Variants in EEF2KMT observed in about 807,000 individuals in gnomAD.
EEF2KMT encodes eukaryotic elongation factor 2 lysine methyltransferase, also known as protein-lysine N-methyltransferase EEF2KMT.
Under a neutral mutation model 35.1 loss-of-function variants are expected in EEF2KMT, and 30 were observed. That is an observed-to-expected ratio of 0.85 (90% CI 0.64 to 1.16). The LOEUF (loss-of-function observed/expected upper bound fraction) is 1.16, where lower values mean the gene tolerates loss of function less well. Among genes scored for constraint, EEF2KMT ranks in the 50% most tolerant of loss-of-function variants. EEF2KMT has a pLI of 0.00. For synonymous variants in EEF2KMT, 190 were observed against 187.7 expected (o/e 1.01, Z -0.10); for missense variants, 499 against 438.2 (o/e 1.14, Z -1.24).
chr16:5,088,363 G>A (rs1567176850), intron 7 of EEF2KMT, among the ~76,000 whole-genome samples: 1 of 152,312 alleles, frequency 6.6e-6, no homozygotes, highest in Admixed American at 6.5e-5. Context: ...TGGGTTGTCT[G>A]TGTCTCTGTG....
At chr16:5,087,272 C>G (rs146732584) in intron 7 of EEF2KMT, 1 of 152,160 alleles carries the variant, frequency 6.6e-6, no homozygotes, top group African/African-American at 2.4e-5. Context: ...TACAGATTTG[C>G]GTTGGGCCGC....
At chr16:5,089,943 C>T (rs908155325) in intron 6 of EEF2KMT, 141 bp downstream of exon 6, 143 of 1,436,436 alleles carry the variant, frequency 1.0e-4, no homozygotes, top group Non-Finnish European at 1.3e-4. Flanking sequence ...GTGATGTCAC[C>T]CTGGAGGCCC....
chr16:5,091,503 C>T (rs1456215294), intron 4 of EEF2KMT, among the ~76,000 whole-genome samples: 1 of 152,262 alleles, frequency 6.6e-6, no homozygotes, highest in Non-Finnish European at 1.5e-5. Flanking sequence ...GCGTGAGCCA[C>T]CACGCCCAGC....
intron 7 of EEF2KMT, among the ~76,000 whole-genome samples, chr16:5,086,032 C>T (rs1435516257): frequency 1.3e-5 from 2 of 152,238 alleles, no homozygotes; most frequent in Non-Finnish European, 2.9e-5. Flanking sequence ...AGTCAACCCA[C>T]TCTTCACAAA....
In EEF2KMT at chr16:5,089,162, G is replaced by A. The variant is rs74516579; in HGVS notation, c.837C>T (p.Tyr279=). The A allele has an allele frequency of 6.8e-4, 1,096 of 1,612,246 alleles. 3 individuals carry two copies. In the African/African-American group the frequency reaches 0.011, roughly 16 times the overall value. The change falls in exon 7 of 8, where the codon TAC becomes TAT. Residue 279 remains tyrosine (Y), a synonymous_variant. Transcript: ENST00000427587. ...CREHQRAPEV[Y]VAFTVRNPET... Reference sequence around the variant, plus strand: ...CTGGGTTGCGGACGGTAAAGGCCACGTAGACCTCAGGAGCCCGCTGGTGCT... The same window carrying A: ...CTGGGTTGCGGACGGTAAAGGCCACATAGACCTCAGGAGCCCGCTGGTGCT...
rs1029326041 is a variant in EEF2KMT at position 5,089,320 on chromosome 16, A to C, written c.743-64T>G. 12 of 1,590,788 alleles carry C rather than the reference A, an allele frequency of 7.5e-6. No individual in the cohort carries two copies. In the African/African-American group the frequency reaches 1.6e-4, roughly 21 times the overall value. ...GACAGGTCCAGGTCATGCTGACGTC[A>C]GCAGCAGGGCGAGGCCAGAGAGGCA... On this transcript the variant is annotated intron_variant, in intron 6 of 7. Transcript: ENST00000427587.
rs1179532545 is a variant in EEF2KMT, at chr16:5,091,912, T to G, written c.241-17A>C. 6.2e-7 allele frequency: 1 copy of G among 1,611,330 alleles called. No individual in the cohort carries two copies. The highest frequency in any genetic ancestry group is 1.3e-5 in the African/African-American group (1 of 74,874). On this transcript the variant is annotated splice_polypyrimidine_tract_variant and intron_variant, in intron 3 of 7. Coordinates refer to ENST00000427587, the MANE Select transcript of EEF2KMT (RefSeq NM_201400.4). Reference sequence around the variant, plus strand: ...AGCCTCGTGCTGGGGGCAGACAGAGTGAGAGCTTGTTTGCTTTCGTTCTAA... The same window carrying G: ...AGCCTCGTGCTGGGGGCAGACAGAGGGAGAGCTTGTTTGCTTTCGTTCTAA...
chr16:5,091,652 G>A (rs1221818693), intron 4 of EEF2KMT, 142 bp downstream of exon 4: 2 of 1,409,072 alleles, frequency 1.4e-6, no homozygotes, highest in African/African-American at 2.9e-5. Context: ...CAGGGAAACT[G>A]AGGCTAAAGA....
At chr16:5,089,511 G>C in intron 6 of EEF2KMT, 1 of 585,702 alleles carries the variant, frequency 1.7e-6, no homozygotes. Flanking sequence ...AACCAGCTCT[G>C]GTTCTTGGCC....
chr16:5,094,344 C>G (rs930788929), intron 2 of EEF2KMT, among the ~76,000 whole-genome samples: 1 of 152,178 alleles, frequency 6.6e-6, no homozygotes, highest in Admixed American at 6.5e-5. Flanking sequence ...CTCACTGCAG[C>G]CTCTGCCTCC....
In EEF2KMT at chr16:5,089,268, G is replaced by A. The variant is rs1468935112; in HGVS notation, c.743-12C>T. 1 of 1,601,972 alleles carries A rather than the reference G, an allele frequency of 6.2e-7. No individual in the cohort carries two copies. Among genetic ancestry groups the A allele is most frequent in the Non-Finnish European group, 8.5e-7 (1 of 1,179,764 alleles). ...GCAATACAGCACATCTATGGTGAAA[G>A]CTTCAGGTTACTGAAAGGGACCAGT... On this transcript the variant is annotated splice_polypyrimidine_tract_variant and intron_variant, in intron 6 of 7. Coordinates refer to ENST00000427587, the MANE Select transcript of EEF2KMT (RefSeq NM_201400.4).
intron 3 of EEF2KMT, 127 bp from the exon 4 acceptor site, chr16:5,092,022 A>G: frequency 6.6e-7 from 1 of 1,517,266 alleles, no homozygotes; most frequent in Non-Finnish European, 8.9e-7. Context: ...GCTGCCATAT[A>G]AAATATTCAC....
chr16:5,091,939 C>T (rs756343093), intron 3 of EEF2KMT, 44 bp from the exon 4 acceptor site: 23 of 1,609,144 alleles, frequency 1.4e-5, no homozygotes, highest in Non-Finnish European at 2.0e-5. Context: ...TCGTTCTAAT[C>T]TGTAAAAATG....
chr16:5,089,219 G>A lies in EEF2KMT; in HGVS notation c.780C>T (p.Val260=), dbSNP rs747780159. ...LYCPEAIMSL[V]GVLRRLAACR... is the part of the protein sequence containing the mutation. Reference sequence around the variant, plus strand: ...AGGCAGCCAGCCTCCGCAGGACCCCGACCAGCGACATGATGGCTTCTGGGC... The same window carrying A: ...AGGCAGCCAGCCTCCGCAGGACCCCAACCAGCGACATGATGGCTTCTGGGC... The change falls in exon 7 of 8, where the codon GTC becomes GTT. Residue 260 remains valine, a synonymous_variant. Coordinates refer to ENST00000427587, the MANE Select transcript of EEF2KMT (RefSeq NM_201400.4). 18 of 1,607,862 alleles carry A rather than the reference G, an allele frequency of 1.1e-5. No homozygotes were observed. The highest frequency in any genetic ancestry group is 6.7e-5 in the Admixed American group (4 of 59,994).
rs1957310163 is a variant in EEF2KMT at position 5,090,166 on chromosome 16, C to T, written c.660G>A (p.Arg220=). 6.2e-7 allele frequency: 1 copy of T among 1,611,578 alleles called. No homozygotes were observed. Among genetic ancestry groups the T allele is most frequent in the Non-Finnish European group, 8.5e-7 (1 of 1,179,846 alleles). Reference sequence around the variant, plus strand: ...CCCAGTCCAGCTGGGCCACTGTCACCCTGGGGCTGTCTAACTTGGCAGTGA... The same window carrying T: ...CCCAGTCCAGCTGGGCCACTGTCACTCTGGGGCTGTCTAACTTGGCAGTGA... The part of the protein sequence containing the change: ...ADITAKLDSP[R]VTVAQLDWDV... Residue 220 remains arginine, a synonymous_variant, in exon 6 of 8, where the codon AGG becomes AGA. Coordinates refer to ENST00000427587, the MANE Select transcript of EEF2KMT (RefSeq NM_201400.4). This position sits in a 1 kb window ranked among gnomAD's most constrained non-coding sequence, Gnocchi z 4.1.
Position 5,090,642 on chromosome 16 carries a change from A to G in EEF2KMT, c.343-77T>C, listed in dbSNP as rs2142764731. 2 of 1,580,740 alleles carry G rather than the reference A, an allele frequency of 1.3e-6. No homozygotes were observed. The highest frequency in any genetic ancestry group is 1.1e-5 in the South Asian group (1 of 89,104). ...CTTAGAAGACAAGTAGCCCCACCAC[A>G]TGGCTGAATAAACCATGACAGGACC... On this transcript the variant is annotated intron_variant, in intron 4 of 7. Coordinates refer to ENST00000427587, the MANE Select transcript of EEF2KMT (RefSeq NM_201400.4). This position sits in a 1 kb window ranked among gnomAD's most constrained non-coding sequence, Gnocchi z 4.1.
At chr16:5,096,383 CCTCATCT>C (rs1408358118) in intron 1 of EEF2KMT, among the ~76,000 whole-genome samples, 1 of 152,198 alleles carries the variant, frequency 6.6e-6, no homozygotes, top group African/African-American at 2.4e-5. Flanking sequence ...GCAAGCAGAG[CCTCATCT>C]GTCATGGGTA....
chr16:5,089,051 C>A (rs369068308), intron 7 of EEF2KMT, 56 bp downstream of exon 7: 213 of 1,608,742 alleles, frequency 1.3e-4, no homozygotes, highest in African/African-American at 3.6e-4. Flanking sequence ...CTTCCACTGG[C>A]GTCCTGCAGG....
intron 1 of EEF2KMT, among the ~76,000 whole-genome samples, chr16:5,096,004 A>C (rs149329423): frequency 6.6e-6 from 1 of 152,236 alleles, no homozygotes; most frequent in Admixed American, 6.5e-5. Flanking sequence ...TCCATGCCAT[A>C]AAAGGCCCTA....
Sources: gnomAD v4.1 joint callset for allele counts (sites outside exome capture counted in the v4.1 genomes callset) on GRCh38, gnomAD v4.1.1 for gene constraint, Gnocchi (gnomAD v3.1) non-coding constraint, MANE v1.5 for transcripts, NCBI Gene and HGNC (gene_info 2026-07-23, HGNC 2026-07-21) for gene names.